The following TMEM65 variants were observed in gnomAD, a reference collection of about 807,000 sequenced individuals.
TMEM65 encodes the protein transmembrane protein 65.
A neutral mutation model predicts 25.4 loss-of-function variants in TMEM65; 22 were observed. The ratio of observed to expected loss-of-function variants is 0.86; its 90% confidence interval spans 0.62 to 1.23. The LOEUF (loss-of-function observed/expected upper bound fraction) is 1.23, where lower values mean the gene tolerates loss of function less well. Among genes scored for constraint, TMEM65 ranks in the 50% most tolerant of loss-of-function variants. TMEM65 has a pLI of 0.00. For missense variants in TMEM65, 262 were observed against 308.2 expected, an observed-to-expected ratio of 0.85 and a Z score of 1.12; for synonymous variants, 132 against 126.2, an observed-to-expected ratio of 1.05 and a Z score of -0.31.
rs926991685 is a variant in TMEM65 at position 124,307,959 on chromosome 8, G to A, written c.*6001C>T. The A allele has an allele frequency of 6.6e-6, 1 of 152,188 alleles. No homozygotes were observed. The allele number at this position is 152,188 out of a possible 1,614,324, so 9.4% of individuals were successfully genotyped here. A position where few individuals can be genotyped will look rare whatever the true frequency, so the allele number is the denominator to read the frequency against. ...TTAAGGCAGAAAGGGACAGGCTAAT[G>A]CTATGGGTTTTTGCAAATGCTGTTG... On this transcript the variant is annotated 3_prime_UTR_variant, in exon 7 of 7. Transcript: ENST00000297632.
At position 124,372,662 on chromosome 8, in the gene TMEM65, A is replaced by AGCCGCAGCC. The variant is rs750082350; in HGVS notation, c.-506_-505insGGCTGCGGC. 1 of 160,892 alleles carries AGCCGCAGCC rather than the reference A, an allele frequency of 6.2e-6. No homozygotes were observed. 10.0% of individuals were successfully genotyped at this position (160,892 alleles called of 1,614,324 possible). ...CAAAGCAGCCGCGCTCCCGAGCCGC[A>AGCCGCAGCC]GCCGCCGCCGCCGCCGCTACCCCTA... On this transcript the variant is annotated 5_prime_UTR_variant, in exon 1 of 7. Coordinates refer to ENST00000297632, the MANE Select transcript of TMEM65 (RefSeq NM_194291.3).
rs1376440428 is a variant in TMEM65, at chr8:124,330,767, G to C, written c.330C>G (p.Thr110=). The change falls in exon 2 of 7, where the codon ACC becomes ACG. Residue 110 remains threonine, a synonymous_variant. Transcript: ENST00000297632. ...CATTACCATATCTCAGCTGTCCTGG[G>C]GTGGGTGGTGGAGCTTCCAATTTTT... ...AQEKLEAPPP[T]PGQLRYVFIH... is the part of the protein sequence containing the mutation. The C allele has an allele frequency of 6.3e-7, 1 of 1,584,850 alleles. No homozygotes were observed. The highest frequency in any genetic ancestry group is 1.7e-4 in the Middle Eastern group (1 of 5,982).
At chr8:124,345,774 C>T (rs1249223627) in intron 1 of TMEM65, among the ~76,000 whole-genome samples, 3 of 142,636 alleles carry the variant, frequency 2.1e-5, no homozygotes, top group African/African-American at 2.5e-5. Context: ...GATGGAGTCT[C>T]GTTCTGTCAC....
At chr8:124,353,710 A>G (rs1459567116) in intron 1 of TMEM65, among the ~76,000 whole-genome samples, 1 of 152,202 alleles carries the variant, frequency 6.6e-6, no homozygotes, top group African/African-American at 2.4e-5. Context: ...TTCAAAGAGT[A>G]ATGAAGACAC....
At chr8:124,371,707 C>T in intron 1 of TMEM65, 147 bp downstream of exon 1, 2 of 783,286 alleles carry the variant, frequency 2.6e-6, no homozygotes, top group Non-Finnish European at 3.7e-6. Context: ...CCCAGCCGTC[C>T]CAGGCGTGGG....
chr8:124,351,139 A>C, intron 1 of TMEM65: 6 of 981,146 alleles, frequency 6.1e-6, no homozygotes, highest in African/African-American at 1.7e-5. Context: ...TTTTAAAATC[A>C]AAATATATGC....
intron 1 of TMEM65, among the ~76,000 whole-genome samples, chr8:124,350,591 T>C (rs1814695670): frequency 1.3e-5 from 2 of 152,030 alleles, no homozygotes; most frequent in Non-Finnish European, 2.9e-5. Flanking sequence ...ATGACCTTAG[T>C]ATGAACTTAT....
chr8:124,369,996 AAAG>A (rs561639107), intron 1 of TMEM65, among the ~76,000 whole-genome samples: 82 of 152,346 alleles, frequency 5.4e-4, no homozygotes, highest in Admixed American at 1.4e-3. Flanking sequence ...TCTCCTGAGC[AAAG>A]AAGACAATTT....
chr8:124,371,952 G>C lies in TMEM65; in HGVS notation c.206C>G (p.Ala69Gly), dbSNP rs759739872. The C allele has an allele frequency of 1.5e-5, 23 of 1,508,880 alleles. No homozygotes were observed. The South Asian group carries it at 2.8e-4, about 19-fold the overall frequency. 93.5% of individuals were successfully genotyped at this position (1,508,880 alleles called of 1,614,324 possible). The change falls in exon 1 of 7, where the codon GCG becomes GGG. Residue 69 changes from alanine to glycine, a missense_variant. Physicochemically the swap from Ala to Gly is moderately conservative, Grantham distance 60 (BLOSUM62 0). Coordinates refer to ENST00000297632, the MANE Select transcript of TMEM65 (RefSeq NM_194291.3). ...GTAGATGAAGTCGCGCGCGCCCTGC[G>C]CCGTGTTCAGCGCCTCCATGGGCTC... ...KKEPMEALNT[A>G]QGARDFIYSL...
chr8:124,352,587 G>A (rs985360799), intron 1 of TMEM65, among the ~76,000 whole-genome samples: 2 of 152,022 alleles, frequency 1.3e-5, no homozygotes, highest in South Asian at 2.1e-4. Context: ...CCTAAGAAGT[G>A]GGAGACAGAC....
chr8:124,356,187 T>A (rs1814778235), intron 1 of TMEM65, among the ~76,000 whole-genome samples: 1 of 152,144 alleles, frequency 6.6e-6, no homozygotes, highest in Non-Finnish European at 1.5e-5. Context: ...AGCATAAGAA[T>A]GGCCTAATAC....
intron 1 of TMEM65, among the ~76,000 whole-genome samples, chr8:124,354,739 T>G (rs1050556066): frequency 2.0e-5 from 3 of 152,210 alleles, no homozygotes; most frequent in Non-Finnish European, 4.4e-5. Flanking sequence ...CCAAGCCTGC[T>G]TCTTTCCCTT....
At chr8:124,314,117 G>T in intron 6 of TMEM65, 56 bp from the exon 7 acceptor site, 2 of 1,427,420 alleles carry the variant, frequency 1.4e-6, no homozygotes, top group Non-Finnish European at 2.0e-6. Context: ...TAACAAGAAG[G>T]CAGAGAAAAA....
chr8:124,367,890 A>G (rs1372577425), intron 1 of TMEM65, among the ~76,000 whole-genome samples: 1 of 152,268 alleles, frequency 6.6e-6, no homozygotes, highest in East Asian at 1.9e-4. Flanking sequence ...TAACATTGAT[A>G]GAAAAACTGC....
rs1392595797 is a variant in TMEM65, at chr8:124,307,405, AGTTGCC to A, written c.*6549_*6554del. 3 of 152,194 alleles carry A rather than the reference AGTTGCC, an allele frequency of 2.0e-5. No homozygotes were observed. Among genetic ancestry groups the A allele is most frequent in the Non-Finnish European group, 2.9e-5 (2 of 68,042 alleles). The allele number at this position is 152,194 out of a possible 1,614,324, so 9.4% of individuals were successfully genotyped here. A position where few individuals can be genotyped will look rare whatever the true frequency, so the allele number is the denominator to read the frequency against. Reference sequence around the variant, plus strand: ...TTGATGTGTACTGGTCTGCAGCTGTAGTTGCCCATCCTTCAAGATAAATGAATCCAG... The same window carrying A: ...TTGATGTGTACTGGTCTGCAGCTGTACATCCTTCAAGATAAATGAATCCAG... On this transcript the variant is annotated 3_prime_UTR_variant, in exon 7 of 7. Coordinates refer to ENST00000297632, the MANE Select transcript of TMEM65 (RefSeq NM_194291.3).
At chr8:124,363,247 A>G (rs925225202) in intron 1 of TMEM65, among the ~76,000 whole-genome samples, 5 of 152,206 alleles carry the variant, frequency 3.3e-5, no homozygotes, top group African/African-American at 1.2e-4. Context: ...GCATTGTCAA[A>G]TAAGAAATGA....
chr8:124,332,972 A>ATT (rs1289887800), intron 1 of TMEM65, among the ~76,000 whole-genome samples: 1 of 151,686 alleles, frequency 6.6e-6, no homozygotes, highest in East Asian at 1.9e-4. Context: ...CACCTGGCTA[A>ATT]TTTTGTATTT....
At chr8:124,322,994 CTAAATAAA>C (rs199541134) in intron 4 of TMEM65, among the ~76,000 whole-genome samples, 14 of 149,822 alleles carry the variant, frequency 9.3e-5, no homozygotes, top group East Asian at 3.9e-4. Flanking sequence ...GACCCCGTCT[CTAAATAAA>C]TAAATAAATA....
chr8:124,307,417 T>C lies in TMEM65; in HGVS notation c.*6543A>G, dbSNP rs1284814189. 6.6e-6 allele frequency: 1 copy of C among 151,964 alleles called. No homozygotes were observed. The highest frequency in any genetic ancestry group is 1.5e-5 in the Non-Finnish European group (1 of 67,994). 9.4% of individuals were successfully genotyped at this position (151,964 alleles called of 1,614,324 possible). On this transcript the variant is annotated 3_prime_UTR_variant, in exon 7 of 7. Coordinates refer to ENST00000297632, the MANE Select transcript of TMEM65 (RefSeq NM_194291.3). ...GGTCTGCAGCTGTAGTTGCCCATCC[T>C]TCAAGATAAATGAATCCAGCATAAG...
Sources: allele counts gnomAD v4.1 joint callset (sites outside exome capture counted in the v4.1 genomes callset), GRCh38; gene constraint gnomAD v4.1.1; transcripts MANE v1.5; gene names NCBI Gene and HGNC (gene_info 2026-07-23, HGNC 2026-07-21).